Variants in ZNF385D observed in about 807,000 individuals in gnomAD.
The protein encoded by ZNF385D is zinc finger protein 659.
ZNF385D carries 15 observed loss-of-function variants against 35.8 expected under a neutral mutation model. The observed-to-expected ratio is 0.42, with a 90% confidence interval of 0.28 to 0.64. The LOEUF is 0.64. ZNF385D is among the 30% of genes least tolerant of loss of function. The pLI, the probability that ZNF385D is intolerant of heterozygous loss-of-function variation, is 0.23. For synonymous variants in ZNF385D, 212 were observed against 186.8 expected (o/e 1.13, Z -1.10); for missense variants, 474 against 494.6 (o/e 0.96, Z 0.39).
At chr3:21,982,865 T>G (rs750891214) in intron 3 of ZNF385D, among the ~76,000 whole-genome samples, 1 of 152,096 alleles carries the variant, frequency 6.6e-6, no homozygotes, top group Non-Finnish European at 1.5e-5. Flanking sequence ...TTTTTTGTCT[T>G]TAGTTCTGTT....
At chr3:21,677,024 G>T (rs1039224933) in intron 1 of ZNF385D, among the ~76,000 whole-genome samples, 1 of 151,998 alleles carries the variant, frequency 6.6e-6, no homozygotes, top group East Asian at 1.9e-4. Flanking sequence ...CAGGGTTAAG[G>T]AGCTATCACC....
intron 2 of ZNF385D, among the ~76,000 whole-genome samples, chr3:22,313,098 A>G (rs1703669230): frequency 1.3e-5 from 2 of 152,122 alleles, no homozygotes; most frequent in African/African-American, 2.4e-5. Context: ...TGTCCTTTGT[A>G]GGGACATGGA....
At chr3:21,471,654 C>T (rs1324565335) in intron 4 of ZNF385D, among the ~76,000 whole-genome samples, 2 of 152,090 alleles carry the variant, frequency 1.3e-5, no homozygotes, top group Admixed American at 6.6e-5. Flanking sequence ...TCGAGTTAAA[C>T]ATCAAAATAT....
chr3:22,157,798 A>G (rs1705689663), intron 3 of ZNF385D, among the ~76,000 whole-genome samples: 1 of 152,132 alleles, frequency 6.6e-6, no homozygotes, highest in Admixed American at 6.6e-5. Flanking sequence ...ACGAGTAGAA[A>G]ATATGACTTG....
At chr3:21,786,583 C>T (rs2071698483) in intron 3 of ZNF385D, among the ~76,000 whole-genome samples, 1 of 152,112 alleles carries the variant, frequency 6.6e-6, no homozygotes, top group Admixed American at 6.5e-5. Context: ...TATGCTAGGC[C>T]ATCAGTAAGA....
intron 3 of ZNF385D, among the ~76,000 whole-genome samples, chr3:21,844,894 TTGG>T (rs1316020886): frequency 2.6e-5 from 4 of 151,976 alleles, no homozygotes; most frequent in Admixed American, 1.3e-4. Context: ...TTAAGAGATC[TTGG>T]TGGACTTTAG....
At chr3:22,357,985 C>CT (rs1445858869) in intron 2 of ZNF385D, among the ~76,000 whole-genome samples, 1 of 151,864 alleles carries the variant, frequency 6.6e-6, no homozygotes, top group Non-Finnish European at 1.5e-5. Flanking sequence ...CTATTTTTCT[C>CT]TTTCCCAGTT....
intron 4 of ZNF385D, among the ~76,000 whole-genome samples, chr3:21,476,493 A>G (rs1049897330): frequency 1.3e-5 from 2 of 151,996 alleles, no homozygotes; most frequent in African/African-American, 4.8e-5. Flanking sequence ...TCCCTCTCAT[A>G]GTAGGAAATG....
rs527653907 is a variant in ZNF385D, at chr3:22,241,036, T to C, written c.107-72001A>G. On this transcript the variant is annotated intron_variant, in intron 2 of 5. Transcript: ENST00000494108. ...AAGTGTTATGTGAATGTTCATTCAATTGAGTAAATTTTTGCCTTGTTAATA... is the reference window on the plus strand; with the variant it reads ...AAGTGTTATGTGAATGTTCATTCAACTGAGTAAATTTTTGCCTTGTTAATA... 4.9e-4 allele frequency among the ~76,000 whole-genome samples: 74 copies of C among 151,384 alleles called. 3 individuals are homozygous for C. Among genetic ancestry groups the C allele is most frequent in the Admixed American group, 9.2e-4 (14 of 15,212 alleles).
At chr3:21,643,056 A>C (rs561937609) in intron 2 of ZNF385D, among the ~76,000 whole-genome samples, 1 of 152,288 alleles carries the variant, frequency 6.6e-6, no homozygotes, top group South Asian at 2.1e-4. Flanking sequence ...GGTACATTTA[A>C]AAATGGTTAA....
intron 3 of ZNF385D, among the ~76,000 whole-genome samples, chr3:22,138,073 CA>C (rs1247592599): frequency 1.3e-5 from 2 of 152,012 alleles, no homozygotes; most frequent in African/African-American, 4.8e-5. Flanking sequence ...ACAGTTGCTT[CA>C]AAGAGAAGAA....
chr3:22,036,876 C>T (rs1430376351), intron 3 of ZNF385D, among the ~76,000 whole-genome samples: 8 of 117,694 alleles, frequency 6.8e-5, no homozygotes, highest in African/African-American at 2.5e-4. Context: ...CCCCACCCCA[C>T]AACAGGCCCC....
chr3:21,550,973 T>TA (rs2062549027), intron 3 of ZNF385D, among the ~76,000 whole-genome samples: 1 of 152,218 alleles, frequency 6.6e-6, no homozygotes, highest in South Asian at 2.1e-4. Flanking sequence ...GACATGTTGT[T>TA]ACTTTATTAT....
At chr3:21,764,544 C>T (rs771813177) in intron 3 of ZNF385D, among the ~76,000 whole-genome samples, 7 of 152,292 alleles carry the variant, frequency 4.6e-5, no homozygotes, top group Non-Finnish European at 8.8e-5. Context: ...GCCAATGAAA[C>T]ATAGCAAGCA....
chr3:21,566,794 G>A (rs1034823442), intron 2 of ZNF385D, among the ~76,000 whole-genome samples: 22 of 152,274 alleles, frequency 1.4e-4, no homozygotes, highest in African/African-American at 5.1e-4. Context: ...TTGTCACACA[G>A]ACCTTTTCCA....
At chr3:21,808,395 G>T (rs1489627256) in intron 3 of ZNF385D, among the ~76,000 whole-genome samples, 1 of 152,098 alleles carries the variant, frequency 6.6e-6, no homozygotes, top group Non-Finnish European at 1.5e-5. Flanking sequence ...TCTTTGCTCT[G>T]TGCTGTGGCC....
At chr3:22,352,405 A>T (rs1240940775) in intron 2 of ZNF385D, among the ~76,000 whole-genome samples, 3 of 152,214 alleles carry the variant, frequency 2.0e-5, no homozygotes, top group Non-Finnish European at 4.4e-5. Flanking sequence ...ATCACACGTT[A>T]TCTCTGTTCC....
intron 3 of ZNF385D, among the ~76,000 whole-genome samples, chr3:21,812,455 G>A (rs563007917): frequency 1.3e-5 from 2 of 152,364 alleles, no homozygotes; most frequent in Admixed American, 1.3e-4. Context: ...GCCAAGGGAA[G>A]CCGTGATAGA....
At chr3:22,357,252 C>G (rs1156867612) in intron 2 of ZNF385D, among the ~76,000 whole-genome samples, 1 of 151,836 alleles carries the variant, frequency 6.6e-6, no homozygotes, top group Non-Finnish European at 1.5e-5. Flanking sequence ...AAAATACAAA[C>G]TGAAGAGTAG....
Sources: allele counts gnomAD v4.1 joint callset (sites outside exome capture counted in the v4.1 genomes callset), GRCh38; gene constraint gnomAD v4.1.1; transcripts MANE v1.5; gene names NCBI Gene and HGNC (gene_info 2026-07-23, HGNC 2026-07-21).